The following RSU1 variants were observed in gnomAD, a reference collection of about 807,000 sequenced individuals.
RSU1 encodes rsu-1.
A neutral mutation model predicts 31.1 loss-of-function variants in RSU1; 26 were observed. The ratio of observed to expected loss-of-function variants is 0.84; its 90% CI spans 0.61 to 1.16. RSU1 has a LOEUF of 1.16. Ranked by LOEUF, RSU1 falls within the 50% of genes most tolerant of loss-of-function variation. The pLI, the probability that RSU1 is intolerant of heterozygous loss-of-function variation, is 0.00. For missense variants in RSU1, 320 were observed against 339.1 expected (o/e 0.94, Z 0.44); for synonymous variants, 164 against 136.3 (o/e 1.20, Z -1.41).
intron 2 of RSU1, among the ~76,000 whole-genome samples, chr10:16,787,324 A>G (rs192328070): frequency 1.2e-3 from 185 of 152,018 alleles, no homozygotes; most frequent in African/African-American, 4.4e-3. Flanking sequence ...CAATCTCCCC[A>G]TCACCCCTTC....
chr10:16,690,007 A>C (rs1045775889), intron 8 of RSU1, among the ~76,000 whole-genome samples: 1 of 152,206 alleles, frequency 6.6e-6, no homozygotes, highest in Non-Finnish European at 1.5e-5. Context: ...TGTTGACAAG[A>C]GTTAACTTGT....
chr10:16,763,439 A>G (rs181142015), intron 4 of RSU1, among the ~76,000 whole-genome samples: 1 of 152,266 alleles, frequency 6.6e-6, no homozygotes, highest in East Asian at 1.9e-4. Flanking sequence ...GGTGCTACGC[A>G]CTTTTAAACA....
rs139866007 is a variant in RSU1 at position 16,788,137 on chromosome 10, T to C, written c.110-6053A>G. ...CCTGATAACAAACAAGATTATTAAA[T>C]AGATTCATAGATGTATCAGTTAAGA... On this transcript the variant is annotated intron_variant, in intron 2 of 8. Transcript: ENST00000345264. Among the ~76,000 whole-genome samples, 369 of 152,308 alleles carry C rather than the reference T, an allele frequency of 2.4e-3. 4 individuals carry two copies. Among genetic ancestry groups the C allele is most frequent in the African/African-American group, 8.5e-3 (354 of 41,568 alleles).
chr10:16,773,388 T>C lies in RSU1; in HGVS notation c.160+8646A>G, dbSNP rs1014874580. Among the ~76,000 whole-genome samples the C allele has an allele frequency of 5.9e-5, 9 of 152,048 alleles. 1 individual carries two copies. Among genetic ancestry groups the C allele is most frequent in the Non-Finnish European group, 7.4e-5 (5 of 67,986 alleles). On this transcript the variant is annotated intron_variant, in intron 3 of 8. Coordinates refer to ENST00000345264, the MANE Select transcript of RSU1 (RefSeq NM_012425.4). ...AAATCCACATGGGAGCTTTGATCATTCCCTTCGAAATAACCCAACTATGGC... is the reference window on the plus strand; with the variant it reads ...AAATCCACATGGGAGCTTTGATCATCCCCTTCGAAATAACCCAACTATGGC...
At chr10:16,751,723 T>A (rs1836984739) in intron 7 of RSU1, among the ~76,000 whole-genome samples, 1 of 152,226 alleles carries the variant, frequency 6.6e-6, no homozygotes, top group South Asian at 2.1e-4. Context: ...CCTCAATGTG[T>A]TTCTTAAAAA....
intron 7 of RSU1, among the ~76,000 whole-genome samples, chr10:16,743,088 T>G (rs7897319): frequency 0.022 from 3,315 of 152,290 alleles, 110 homozygotes; most frequent in African/African-American, 0.075. Flanking sequence ...AATGCAGAAT[T>G]AAAACGTAGG....
intron 2 of RSU1, among the ~76,000 whole-genome samples, chr10:16,795,842 C>T (rs1402206069): frequency 6.6e-6 from 1 of 152,192 alleles, no homozygotes; most frequent in East Asian, 1.9e-4. Context: ...GACCCCTAAA[C>T]AAGCCGCCCA....
At chr10:16,722,919 T>C (rs1318029661) in intron 7 of RSU1, among the ~76,000 whole-genome samples, 2 of 149,728 alleles carry the variant, frequency 1.3e-5, no homozygotes, top group East Asian at 3.9e-4. Flanking sequence ...TATACATATA[T>C]GTATATATAC....
At position 16,619,440 on chromosome 10, in the gene RSU1, C is replaced by T. The variant is rs192442124; in HGVS notation, c.732-25944G>A. Among the ~76,000 whole-genome samples, 10 of 152,288 alleles carry T rather than the reference C, an allele frequency of 6.6e-5. No homozygotes were observed. The East Asian group carries it at 7.7e-4, about 12-fold the overall frequency. On this transcript the variant is annotated intron_variant, in intron 8 of 8. Transcript: ENST00000345264. ...TCACAGTGAACCAATCTAGGCACAT[C>T]GGGTTCCCTGCTCTTTCTCTTGGGA...
At chr10:16,695,212 A>T in intron 7 of RSU1, 57 bp from the exon 8 acceptor site, 1 of 1,529,246 alleles carries the variant, frequency 6.5e-7, no homozygotes, top group Admixed American at 2.0e-5. Context: ...ATCAGGTCTA[A>T]GAAGTCCTTC....
At chr10:16,713,546 T>G (rs753024009) in intron 7 of RSU1, among the ~76,000 whole-genome samples, 2 of 152,224 alleles carry the variant, frequency 1.3e-5, no homozygotes. Context: ...GTTTGGTTCT[T>G]TATGACACTT....
intron 2 of RSU1, among the ~76,000 whole-genome samples, chr10:16,816,659 T>A (rs1838539076): frequency 6.6e-6 from 1 of 152,198 alleles, no homozygotes. Context: ...GGACTCAAAA[T>A]TAATTTTCAA....
chr10:16,657,847 G>A (rs1215726834), intron 8 of RSU1, among the ~76,000 whole-genome samples: 2 of 152,224 alleles, frequency 1.3e-5, no homozygotes, highest in East Asian at 3.9e-4. Context: ...ACAAAAATTA[G>A]CCAGATGTGG....
chr10:16,696,818 T>TTGGCAA (rs1396609160), intron 7 of RSU1, among the ~76,000 whole-genome samples: 1 of 150,106 alleles, frequency 6.7e-6, no homozygotes, highest in East Asian at 2.0e-4. Context: ...TTTCATCTTG[T>TTGGCAA]TGGCAAGGGG....
intron 7 of RSU1, among the ~76,000 whole-genome samples, chr10:16,709,536 G>A (rs1429403434): frequency 6.6e-6 from 1 of 152,140 alleles, no homozygotes; most frequent in Admixed American, 6.5e-5. Context: ...GGGTCAAATG[G>A]TATTTCTAGT....
chr10:16,590,831 T>C lies in RSU1; in HGVS notation c.*2563A>G, dbSNP rs760424836. The C allele has an allele frequency of 6.6e-6, 1 of 152,220 alleles. No homozygotes were observed. The highest frequency in any genetic ancestry group is 6.5e-5 in the Admixed American group (1 of 15,286). 9.4% of individuals were successfully genotyped at this position (152,220 alleles called of 1,614,324 possible). On this transcript the variant is annotated 3_prime_UTR_variant, in exon 9 of 9. Transcript: ENST00000345264. ...CTTCCTTTTGACACAGCTGGGACCA[T>C]CCTTATATAGTTAGTTTTAAAAATC...
At chr10:16,717,092 G>A (rs949741048) in intron 7 of RSU1, among the ~76,000 whole-genome samples, 1 of 152,090 alleles carries the variant, frequency 6.6e-6, no homozygotes, top group African/African-American at 2.4e-5. Context: ...AAATACCCTT[G>A]AATCCAATTT....
intron 8 of RSU1, among the ~76,000 whole-genome samples, chr10:16,601,576 G>A (rs1833714950): frequency 6.6e-6 from 1 of 152,130 alleles, no homozygotes; most frequent in African/African-American, 2.4e-5. Flanking sequence ...TTTTCCCGAT[G>A]CAGGTGACTT....
chr10:16,701,825 TAGA>T (rs1835800862), intron 7 of RSU1, among the ~76,000 whole-genome samples: 1 of 152,176 alleles, frequency 6.6e-6, no homozygotes, highest in Non-Finnish European at 1.5e-5. Context: ...TAAGAAGGGA[TAGA>T]AGAAGCTCTC....
Sources: allele counts gnomAD v4.1 joint callset (sites outside exome capture counted in the v4.1 genomes callset), GRCh38; gene constraint gnomAD v4.1.1; transcripts MANE v1.5; gene names NCBI Gene and HGNC (gene_info 2026-07-23, HGNC 2026-07-21).